The following RBFOX3 variants were observed in gnomAD, a reference collection of about 807,000 sequenced individuals.
RBFOX3 encodes RNA binding fox-1 homolog 3.
In RBFOX3, 17 loss-of-function variants were observed where a neutral mutation model predicts 48.7. That is an observed-to-expected ratio of 0.35 (90% CI 0.24 to 0.52). The LOEUF (loss-of-function observed/expected upper bound fraction) is 0.52. Among genes scored for constraint, RBFOX3 ranks in the 20% least tolerant of loss-of-function variants. The pLI is 0.94. For missense variants in RBFOX3, 382 were observed against 497.5 expected (o/e 0.77, Z 2.21); for synonymous variants, 212 against 209.5 (o/e 1.01, Z -0.10).
chr17:79,410,467 G>A (rs1224182237), intron 2 of RBFOX3, among the ~76,000 whole-genome samples: 1 of 152,186 alleles, frequency 6.6e-6, no homozygotes, highest in Non-Finnish European at 1.5e-5. Flanking sequence ...TAAGGACCCA[G>A]GTAGGGAGTT....
At chr17:79,133,444 G>A (rs1280913647) in intron 4 of RBFOX3, among the ~76,000 whole-genome samples, 2 of 152,178 alleles carry the variant, frequency 1.3e-5, no homozygotes, top group Non-Finnish European at 2.9e-5. Flanking sequence ...GGGACACCAT[G>A]GTGAAAAACA....
intron 2 of RBFOX3, among the ~76,000 whole-genome samples, chr17:79,384,224 A>AGTGAGT (rs1161179671): frequency 1.3e-5 from 2 of 152,040 alleles, no homozygotes; most frequent in African/African-American, 2.4e-5. Context: ...CACTCTGGGG[A>AGTGAGT]CCCCGGTAAG....
intron 1 of RBFOX3, among the ~76,000 whole-genome samples, chr17:79,487,422 G>A (rs1239632074): frequency 6.6e-6 from 1 of 152,224 alleles, no homozygotes; most frequent in Non-Finnish European, 1.5e-5. Context: ...CCAGAAGCAA[G>A]GGACACGCAC....
chr17:79,531,232 T>G (rs983010193), intron 1 of RBFOX3, among the ~76,000 whole-genome samples: 6 of 151,820 alleles, frequency 4.0e-5, no homozygotes, highest in Admixed American at 1.3e-4. Flanking sequence ...CCCATGGGGG[T>G]GGGGTCTCCT....
intron 2 of RBFOX3, among the ~76,000 whole-genome samples, chr17:79,334,507 TCTC>T (rs1200904696): frequency 6.6e-6 from 1 of 152,158 alleles, no homozygotes; most frequent in Non-Finnish European, 1.5e-5. Flanking sequence ...TGTTTCAAAA[TCTC>T]CTCCTTACCT....
chr17:79,360,726 G>C lies in RBFOX3; in HGVS notation c.-174-52902C>G, dbSNP rs544355064. Among the ~76,000 whole-genome samples the C allele has an allele frequency of 2.6e-5, 4 of 151,984 alleles. No individual in the cohort carries two copies. The East Asian group carries it at 7.7e-4, about 29-fold the overall frequency. ...GGTTATCGGTGTCAGCAATTTAGGA[G>C]AAGTTAAATTATATCACAGCCCCAC... On this transcript the variant is annotated intron_variant, in intron 2 of 14. Coordinates refer to ENST00000693108, the MANE Select transcript of RBFOX3 (RefSeq NM_001350451.2).
chr17:79,143,150 G>A (rs1281902933), intron 4 of RBFOX3, among the ~76,000 whole-genome samples: 1 of 152,148 alleles, frequency 6.6e-6, no homozygotes, highest in African/African-American at 2.4e-5. Context: ...GACCCCACAA[G>A]AAGGGGGGTC....
At chr17:79,495,008 G>A (rs748011869) in intron 1 of RBFOX3, among the ~76,000 whole-genome samples, 2 of 152,152 alleles carry the variant, frequency 1.3e-5, no homozygotes, top group African/African-American at 4.8e-5. Flanking sequence ...GTCTGTCCAC[G>A]CAGTGGCCAT....
intron 3 of RBFOX3, among the ~76,000 whole-genome samples, chr17:79,241,448 A>T (rs1434207337): frequency 2.0e-5 from 3 of 152,112 alleles, no homozygotes; most frequent in Non-Finnish European, 2.9e-5. Flanking sequence ...GCCACAGATG[A>T]TGGCTGGGAA....
the RBFOX3 span, among the ~76,000 whole-genome samples, chr17:79,663,560 A>G: frequency 6.6e-6 from 1 of 152,084 alleles, no homozygotes; most frequent in Non-Finnish European, 1.5e-5. Context: ...GCCCCCACAT[A>G]CCTGTTCCTC....
At chr17:79,255,666 G>T (rs1182017469) in intron 3 of RBFOX3, among the ~76,000 whole-genome samples, 2 of 152,064 alleles carry the variant, frequency 1.3e-5, no homozygotes, top group East Asian at 3.9e-4. Context: ...CATGGGCAGG[G>T]TGGCCGGTGC....
intron 2 of RBFOX3, among the ~76,000 whole-genome samples, chr17:79,419,571 A>C (rs1346379840): frequency 1.3e-5 from 2 of 152,212 alleles, no homozygotes; most frequent in African/African-American, 4.8e-5. Flanking sequence ...CAGCTCTGCC[A>C]CTTTTACACA....
rs188570060 is a variant in RBFOX3, at chr17:79,535,277, C to A, written c.-319-52679G>T. Among the ~76,000 whole-genome samples, 4 of 152,182 alleles carry A rather than the reference C, an allele frequency of 2.6e-5. No homozygotes were observed. Among genetic ancestry groups the A allele is most frequent in the Non-Finnish European group, 5.9e-5 (4 of 68,016 alleles). On this transcript the variant is annotated intron_variant, in intron 1 of 14. Transcript: ENST00000693108. This position sits in a 1 kb window ranked among gnomAD's most constrained non-coding sequence, Gnocchi z 4.5. ...CAAGGGCTGTTCACAGAGGCTGACT[C>A]CCGTCCTCCCTTTCCTGAAAGACAC...
At chr17:79,264,292 T>TC (rs1037736602) in intron 3 of RBFOX3, among the ~76,000 whole-genome samples, 1 of 151,752 alleles carries the variant, frequency 6.6e-6, no homozygotes, top group Non-Finnish European at 1.5e-5. Flanking sequence ...ACCAGGCTGG[T>TC]CTCGAACTCC....
rs1350111128 is a variant in RBFOX3, at chr17:79,421,396, A to G, written c.-175+61058T>C. On this transcript the variant is annotated intron_variant, in intron 2 of 14. Transcript: ENST00000693108. This position sits in a 1 kb window ranked among gnomAD's most constrained non-coding sequence, Gnocchi z 4.5. ...GAAGTGGATGGCCCCCTCAATGTGG[A>G]AGGAGGCTGGGCCTGGCTGCCTGCC... Among the ~76,000 whole-genome samples, 1 of 152,102 alleles carries G rather than the reference A, an allele frequency of 6.6e-6. No individual in the cohort carries two copies. The highest frequency in any genetic ancestry group is 1.5e-5 in the Non-Finnish European group (1 of 68,002).
chr17:79,158,297 A>G (rs1485081833), intron 4 of RBFOX3, among the ~76,000 whole-genome samples: 1 of 152,168 alleles, frequency 6.6e-6, no homozygotes, highest in Non-Finnish European at 1.5e-5. Flanking sequence ...TGGCAGACCA[A>G]TACGGCTACT....
intron 1 of RBFOX3, among the ~76,000 whole-genome samples, chr17:79,530,361 G>A (rs946377908): frequency 2.0e-5 from 3 of 152,232 alleles, no homozygotes; most frequent in East Asian, 1.9e-4. Context: ...AATCCCCCAC[G>A]CATGGCACCA....
chr17:79,190,476 G>C (rs1394407169), intron 4 of RBFOX3, among the ~76,000 whole-genome samples: 1 of 150,848 alleles, frequency 6.6e-6, no homozygotes, highest in Non-Finnish European at 1.5e-5. Flanking sequence ...TCAGGGACAA[G>C]AGTGATGGGG....
At chr17:79,175,604 C>G (rs2050359912) in intron 4 of RBFOX3, among the ~76,000 whole-genome samples, 1 of 152,242 alleles carries the variant, frequency 6.6e-6, no homozygotes, top group South Asian at 2.1e-4. Flanking sequence ...CCTAGACCAC[C>G]CCTCTCCTGC....
Sources: allele counts gnomAD v4.1 joint callset (sites outside exome capture counted in the v4.1 genomes callset), GRCh38; gene constraint gnomAD v4.1.1; non-coding constraint Gnocchi (gnomAD v3.1); transcripts MANE v1.5; gene names NCBI Gene and HGNC (gene_info 2026-07-23, HGNC 2026-07-21).